Variants in NCOR1 observed in about 807,000 individuals in gnomAD.
NCOR1 encodes protein phosphatase 1, regulatory subunit 109.
Under a neutral mutation model 288.1 loss-of-function variants are expected in NCOR1, and 63 were observed. That is an observed-to-expected ratio of 0.22 (90% confidence interval 0.18 to 0.27). NCOR1 has a LOEUF of 0.27. Among genes scored for constraint, NCOR1 ranks in the 10% least tolerant of loss-of-function variants. The pLI, the probability that NCOR1 is intolerant of heterozygous loss-of-function variation, is 1.00. For missense variants in NCOR1, 2,397 were observed against 3,019.2 expected (o/e 0.79, Z 4.83); for synonymous variants, 1,007 against 1,065.9 (o/e 0.94, Z 1.08).
In NCOR1 at chr17:16,209,850, G is replaced by A. The variant is rs554737073; in HGVS notation, c.-71+5512C>T. On this transcript the variant is annotated intron_variant, in intron 1 of 45. Transcript: ENST00000268712. The stretch of plus-strand genomic sequence containing the variant: ...GCCTGTAATCCCAGCTACTTGGGAG[G>A]CTGAGAACGAGAATCACTTGAACCT... 2.4e-4 allele frequency among the ~76,000 whole-genome samples: 36 copies of A among 152,192 alleles called. 1 individual carries two copies. The highest frequency in any genetic ancestry group is 7.2e-4 in the African/African-American group (30 of 41,530).
chr17:16,071,388 A>C, intron 30 of NCOR1, 21 bp downstream of exon 30: 1 of 1,600,170 alleles, frequency 6.2e-7, no homozygotes, highest in Non-Finnish European at 8.5e-7. Flanking sequence ...TTACTGACAA[A>C]AAGAGCCAAA....
At chr17:16,120,269 G>A (rs1419659183) in intron 16 of NCOR1, among the ~76,000 whole-genome samples, 1 of 151,982 alleles carries the variant, frequency 6.6e-6, no homozygotes, top group Non-Finnish European at 1.5e-5. Context: ...CTCCACAATT[G>A]CTATCAGTTA....
In NCOR1 at chr17:16,183,893, G is replaced by A. The variant is rs80095029; in HGVS notation, c.242+2661C>T. Among the ~76,000 whole-genome samples the A allele has an allele frequency of 7.2e-3, 1,098 of 152,194 alleles. 24 individuals are homozygous for A. The highest frequency in any genetic ancestry group is 0.025 in the African/African-American group (1,022 of 41,512). On this transcript the variant is annotated intron_variant, in intron 3 of 45. Coordinates refer to ENST00000268712, the MANE Select transcript of NCOR1 (RefSeq NM_006311.4). ...GTATTGGCATAAAAATAGACACACT[G>A]ATCAGTAGAAAAGAATAGAAAGCCC...
intron 11 of NCOR1, among the ~76,000 whole-genome samples, chr17:16,140,972 C>T (rs2077062960): frequency 1.4e-5 from 2 of 143,330 alleles, no homozygotes; most frequent in African/African-American, 5.4e-5. Flanking sequence ...GCCTGGGTGA[C>T]AGAGTAAGAC....
Position 16,067,932 on chromosome 17 carries a change from A to C in NCOR1, c.4703T>G (p.Leu1568Trp). Residue 1568 changes from leucine to tryptophan, a missense_variant, in exon 32 of 46, where the codon TTG (leucine) becomes TGG (tryptophan). By Grantham distance (61) the Leu-to-Trp change is moderately conservative. Coordinates refer to ENST00000268712, the MANE Select transcript of NCOR1 (RefSeq NM_006311.4). ...CCTGTGAAAAGGCATGGCTGGATCC[A>C]AGTGCGTGGGCAGGTGGCTCCGATA... ...EVYRSHLPTHLDPAMPFHRAL... is the reference protein window; with the variant it reads ...EVYRSHLPTHWDPAMPFHRAL... 7 of 1,614,190 alleles carry C rather than the reference A, an allele frequency of 4.3e-6. No individual in the cohort carries two copies. Among genetic ancestry groups the C allele is most frequent in the Non-Finnish European group, 5.1e-6 (6 of 1,180,030 alleles).
At chr17:16,064,841 T>TA (rs1286779038) in intron 34 of NCOR1, 29 bp downstream of exon 34, 2 of 1,534,958 alleles carry the variant, frequency 1.3e-6, no homozygotes, top group Non-Finnish European at 1.8e-6. Flanking sequence ...ATGGTTCTAT[T>TA]AGAGAGGTGT....
Position 16,058,463 on chromosome 17 carries a change from A to T in NCOR1, c.6010+8T>A. On this transcript the variant is annotated splice_region_variant and intron_variant, in intron 38 of 45. Coordinates refer to ENST00000268712, the MANE Select transcript of NCOR1 (RefSeq NM_006311.4). ...AAAACATGTAAATGGTAGCTTAAGA[A>T]GACATACTTTCCGCTTGATTTGCCT... is the stretch of plus-strand genomic sequence containing the variant. The T allele has an allele frequency of 6.2e-7, 1 of 1,611,160 alleles. No homozygotes were observed. Among genetic ancestry groups the T allele is most frequent in the Non-Finnish European group, 8.5e-7 (1 of 1,179,182 alleles).
At chr17:16,188,750 T>A (rs891726790) in intron 2 of NCOR1, among the ~76,000 whole-genome samples, 1 of 150,868 alleles carries the variant, frequency 6.6e-6, no homozygotes, top group African/African-American at 2.4e-5. Context: ...ATAGGCCAGG[T>A]GCTATGGCTC....
At chr17:16,191,089 G>A (rs1420215793) in intron 2 of NCOR1, among the ~76,000 whole-genome samples, 1 of 152,218 alleles carries the variant, frequency 6.6e-6, no homozygotes, top group East Asian at 1.9e-4. Context: ...TTAAGCCTAT[G>A]CCTGAATTCT....
At chr17:16,074,436 T>C (rs913718108) in intron 27 of NCOR1, among the ~76,000 whole-genome samples, 1 of 152,174 alleles carries the variant, frequency 6.6e-6, no homozygotes, top group Admixed American at 6.5e-5. Flanking sequence ...CTTAGTGATT[T>C]GGTGGATGTG....
At chr17:16,171,008 AT>A (rs2083048444) in intron 4 of NCOR1, among the ~76,000 whole-genome samples, 1 of 152,086 alleles carries the variant, frequency 6.6e-6, no homozygotes, top group Non-Finnish European at 1.5e-5. Flanking sequence ...ATTAAAACTT[AT>A]CTTTGTACAG....
At position 16,067,917 on chromosome 17, in the gene NCOR1, G is replaced by A. The variant is rs2061320820; in HGVS notation, c.4718C>T (p.Pro1573Leu). ...ACCAGGATCCAAAGCCCTGTGAAAA[G>A]GCATGGCTGGATCCAAGTGCGTGGG... is the stretch of plus-strand genomic sequence containing the variant. ...HLPTHLDPAM[P>L]FHRALDPAAA... The change falls in exon 32 of 46, where the codon CCT becomes CTT. Residue 1573 changes from proline to leucine, a missense_variant. Physicochemically the swap from Pro to Leu is moderately conservative, Grantham distance 98. This residue lies in a region of NCOR1 where 1,872 missense variants were observed against 2,187.8 expected (regional missense o/e 0.86). Coordinates refer to ENST00000268712, the MANE Select transcript of NCOR1 (RefSeq NM_006311.4). The A allele has an allele frequency of 4.3e-6, 7 of 1,613,928 alleles. No homozygotes were observed. Among genetic ancestry groups the A allele is most frequent in the Non-Finnish European group, 5.9e-6 (7 of 1,179,938 alleles).
Position 16,108,910 on chromosome 17 carries a change from A to G in NCOR1, c.2058T>C (p.Thr686=), listed in dbSNP as rs376830568. The change falls in exon 19 of 46, where the codon ACT becomes ACC. Residue 686 remains threonine (T), a splice_region_variant and synonymous_variant. Transcript: ENST00000268712. ...DNLLQQHKQK[T]SRKPREERDV... is the part of the protein sequence containing the mutation. ...CTCGCTCTTCACGAGGTTTTCGTGAAGTCTAAAGGAGGAAAGAGTATTATT... is the reference window on the plus strand; with the variant it reads ...CTCGCTCTTCACGAGGTTTTCGTGAGGTCTAAAGGAGGAAAGAGTATTATT... 106 of 1,567,038 alleles carry G rather than the reference A, an allele frequency of 6.8e-5. No homozygotes were observed. In the Middle Eastern group the frequency reaches 6.8e-4, roughly 10 times the overall value.
intron 10 of NCOR1, among the ~76,000 whole-genome samples, chr17:16,145,713 G>A (rs898145691): frequency 2.0e-4 from 31 of 152,044 alleles, no homozygotes; most frequent in Admixed American, 2.6e-4. Context: ...AGTCCGGGAG[G>A]TGGGGGGCAG....
intron 14 of NCOR1, among the ~76,000 whole-genome samples, chr17:16,128,370 C>T (rs575578379): frequency 1.3e-5 from 2 of 152,190 alleles, no homozygotes; most frequent in Non-Finnish European, 1.5e-5. Context: ...CCATGTCCTT[C>T]CCTCTCCACC....
chr17:16,051,023 G>C (rs150015979), intron 40 of NCOR1, among the ~76,000 whole-genome samples: 2 of 151,994 alleles, frequency 1.3e-5, no homozygotes, highest in African/African-American at 4.8e-5. Context: ...TTTTTTTGTG[G>C]AGATGGGGTC....
intron 6 of NCOR1, among the ~76,000 whole-genome samples, chr17:16,158,034 C>T (rs1457081877): frequency 6.6e-6 from 1 of 151,244 alleles, no homozygotes; most frequent in Non-Finnish European, 1.5e-5. Flanking sequence ...ACTGAAGTGG[C>T]TCAATCTCGG....
At chr17:16,175,833 T>TA (rs2084049702) in intron 3 of NCOR1, among the ~76,000 whole-genome samples, 3 of 110,782 alleles carry the variant, frequency 2.7e-5, no homozygotes, top group African/African-American at 6.6e-5. Context: ...TTTGTCTCTT[T>TA]TAAAAAAAAA....
At chr17:16,060,040 A>G (rs1167591964) in intron 37 of NCOR1, among the ~76,000 whole-genome samples, 1 of 152,236 alleles carries the variant, frequency 6.6e-6, no homozygotes, top group East Asian at 1.9e-4. Context: ...ATATTCACTC[A>G]GTAGAAAGTC....
Sources: gnomAD v4.1 joint callset for allele counts (sites outside exome capture counted in the v4.1 genomes callset) on GRCh38, gnomAD v4.1.1 for gene constraint, gnomAD v4.1.1 regional missense constraint, MANE v1.5 for transcripts, NCBI Gene and HGNC (gene_info 2026-07-23, HGNC 2026-07-21) for gene names.